Variants in ACBD3 observed in about 807,000 individuals in gnomAD.
ACBD3 encodes the protein Golgi resident protein GCP60.
In ACBD3, 30 loss-of-function variants were observed where a neutral mutation model predicts 66.9. The observed-to-expected ratio is 0.45, with a 90% confidence interval of 0.34 to 0.61. The LOEUF (loss-of-function observed/expected upper bound fraction) is 0.61, where lower values mean the gene tolerates loss of function less well. Among genes scored for constraint, ACBD3 ranks in the 20% least tolerant of loss-of-function variants. ACBD3 has a pLI of 0.02. For synonymous variants in ACBD3, 278 were observed against 259.8 expected, an observed-to-expected ratio of 1.07 and a Z score of -0.68; for missense variants, 544 against 664.5, an observed-to-expected ratio of 0.82 and a Z score of 1.99.
At chr1:226,155,424 A>AG (rs1659654675) in intron 5 of ACBD3, among the ~76,000 whole-genome samples, 1 of 152,022 alleles carries the variant, frequency 6.6e-6, no homozygotes, top group African/African-American at 2.4e-5. Flanking sequence ...TCTCAAAAAA[A>AG]AAAAAAAAAA....
chr1:226,172,264 G>GC (rs1310745897), intron 1 of ACBD3, among the ~76,000 whole-genome samples: 1 of 151,546 alleles, frequency 6.6e-6, no homozygotes. Context: ...TTGTTCACAG[G>GC]CCCTCATCAA....
At chr1:226,179,025 T>G (rs948055144) in intron 1 of ACBD3, among the ~76,000 whole-genome samples, 27 of 152,240 alleles carry the variant, frequency 1.8e-4, no homozygotes, top group Non-Finnish European at 2.1e-4. Flanking sequence ...GTATTGTGTT[T>G]GCCCTGAGTT....
intron 1 of ACBD3, among the ~76,000 whole-genome samples, chr1:226,185,620 T>C (rs1483923104): frequency 7.1e-6 from 1 of 141,610 alleles, no homozygotes; most frequent in Non-Finnish European, 1.5e-5. Context: ...ATCACCCAAT[T>C]AAAAAAAAAA....
Position 226,154,762 on chromosome 1 carries a change from T to C in ACBD3, c.975A>G (p.Ala325=). Residue 325 remains alanine, a synonymous_variant, in exon 6 of 8, where the codon GCA becomes GCG. Transcript: ENST00000366812. ...CTGACATCATATTACTTGGTACAGT[T>C]GCATTCACTTTTGATGATGTAGGCA... ...SSLPTSSKVN[A]TVPSNMMSVN... is the part of the protein sequence containing the mutation. 7.4e-6 allele frequency: 12 copies of C among 1,613,780 alleles called. No homozygotes were observed. The highest frequency in any genetic ancestry group is 1.0e-5 in the Non-Finnish European group (12 of 1,179,820).
At chr1:226,146,936 G>A (rs1659466105) in intron 7 of ACBD3, 115 bp from the exon 8 acceptor site, 3 of 1,027,266 alleles carry the variant, frequency 2.9e-6, no homozygotes, top group Non-Finnish European at 2.9e-6. Flanking sequence ...CTGTCACCCA[G>A]GATGGAGTGC....
chr1:226,169,404 T>C (rs771539529), intron 1 of ACBD3, among the ~76,000 whole-genome samples: 19 of 151,926 alleles, frequency 1.3e-4, no homozygotes, highest in Non-Finnish European at 2.4e-4. Context: ...CCCGCCACCA[T>C]GCTCGGCTAA....
chr1:226,158,453 T>G (rs985392816), intron 5 of ACBD3, among the ~76,000 whole-genome samples: 1 of 152,254 alleles, frequency 6.6e-6, no homozygotes, highest in Admixed American at 6.5e-5. Context: ...TTTTCTCATT[T>G]GACTCCTCTG....
At position 226,159,187 on chromosome 1, in the gene ACBD3, T is replaced by C. The variant is rs1461075076; in HGVS notation, c.900A>G (p.Gln300=). Residue 300 remains glutamine (Q), a synonymous_variant, in exon 5 of 8, where the codon CAA becomes CAG. Transcript: ENST00000366812. ...QQLYQVQLAQ[Q]QAALQKQQEV... is the part of the protein sequence containing the mutation. ...ATTCTAGGGTTGTCTATCGTACCTG[T>C]TGCTGTGCAAGCTGGACTTGATACA... 3 of 1,614,020 alleles carry C rather than the reference T, an allele frequency of 1.9e-6. No homozygotes were observed. Among genetic ancestry groups the C allele is most frequent in the African/African-American group, 1.3e-5 (1 of 74,934 alleles).
intron 1 of ACBD3, among the ~76,000 whole-genome samples, chr1:226,168,677 G>A (rs1001975139): frequency 3.3e-5 from 5 of 152,168 alleles, no homozygotes; most frequent in African/African-American, 7.2e-5. Context: ...AAGTATTTAC[G>A]ATGATGCTGG....
chr1:226,160,480 A>C (rs1284727999), intron 4 of ACBD3, among the ~76,000 whole-genome samples: 1 of 152,134 alleles, frequency 6.6e-6, no homozygotes, highest in African/African-American at 2.4e-5. Flanking sequence ...AAAGCCTCAC[A>C]AACTCCTACA....
At chr1:226,180,586 G>T (rs1193444411) in intron 1 of ACBD3, among the ~76,000 whole-genome samples, 1 of 152,138 alleles carries the variant, frequency 6.6e-6, no homozygotes, top group East Asian at 1.9e-4. Context: ...CCTGGGCATT[G>T]GCTACACTGT....
intron 6 of ACBD3, among the ~76,000 whole-genome samples, chr1:226,154,031 G>A (rs551821083): frequency 1.1e-4 from 16 of 152,326 alleles, no homozygotes; most frequent in Non-Finnish European, 1.9e-4. Flanking sequence ...CCAGCCATGT[G>A]AGGGAACCAT....
Position 226,186,377 on chromosome 1 carries a change from T to A in ACBD3, c.286+13A>T. The A allele has an allele frequency of 6.6e-7, 1 of 1,510,204 alleles. No homozygotes were observed. Among genetic ancestry groups the A allele is most frequent in the Middle Eastern group, 2.0e-4 (1 of 5,060 alleles). The allele number at this position is 1,510,204 out of a possible 1,614,324, so 93.6% of individuals were successfully genotyped here. ...CGGGCAGAAGCGGCGGGGGTGGGGC[T>A]GGCCCGGCTCACCTTTGAAGAAGCG... On this transcript the variant is annotated intron_variant, in intron 1 of 7. Coordinates refer to ENST00000366812, the MANE Select transcript of ACBD3 (RefSeq NM_022735.4).
intron 2 of ACBD3, 87 bp from the exon 3 acceptor site, chr1:226,165,016 T>C (rs1483818079): frequency 3.7e-6 from 5 of 1,347,830 alleles, no homozygotes; most frequent in Middle Eastern, 1.9e-4. Flanking sequence ...TAATTCTCAA[T>C]TGTAAGTAAA....
intron 7 of ACBD3, among the ~76,000 whole-genome samples, chr1:226,151,656 C>T (rs1036676677): frequency 6.6e-6 from 1 of 152,102 alleles, no homozygotes; most frequent in Non-Finnish European, 1.5e-5. Flanking sequence ...CTAATATCAA[C>T]AATATAAATT....
intron 1 of ACBD3, among the ~76,000 whole-genome samples, chr1:226,169,788 A>G (rs1659955197): frequency 6.6e-6 from 1 of 151,484 alleles, no homozygotes. Flanking sequence ...TTGGGAGGCC[A>G]AGGCAGATGG....
At chr1:226,152,006 C>CAA (rs200442682) in intron 7 of ACBD3, among the ~76,000 whole-genome samples, 1 of 137,104 alleles carries the variant, frequency 7.3e-6, no homozygotes. Context: ...GACTCTGTCT[C>CAA]AAAAAAAAAA....
At chr1:226,175,911 G>A (rs1339398888) in intron 1 of ACBD3, among the ~76,000 whole-genome samples, 1 of 152,184 alleles carries the variant, frequency 6.6e-6, no homozygotes, top group Non-Finnish European at 1.5e-5. Context: ...TATGACACAA[G>A]TGGTGGGCAG....
rs1022200425 is a variant in ACBD3, at chr1:226,152,505, A to G, written c.1205T>C (p.Val402Ala). The G allele has an allele frequency of 2.4e-5, 38 of 1,614,064 alleles. No individual in the cohort carries two copies. The highest frequency in any genetic ancestry group is 3.1e-5 in the Non-Finnish European group (37 of 1,180,044). Reference protein sequence around the residue: ...DSVITVGRGEVVTVRVPTHEE... With the variant: ...DSVITVGRGEAVTVRVPTHEE... ...ATGGGTGGGTACTCGAACAGTGACC[A>G]CTTCTCCTCGGCCCACTGTAATCAC... The change falls in exon 7 of 8, where the codon GTG becomes GCG. Residue 402 changes from valine to alanine, a missense_variant. By Grantham distance (64) the Val-to-Ala change is moderately conservative (BLOSUM62 0). Transcript: ENST00000366812.
Sources: gnomAD v4.1 joint callset for allele counts (sites outside exome capture counted in the v4.1 genomes callset) on GRCh38, gnomAD v4.1.1 for gene constraint, MANE v1.5 for transcripts, NCBI Gene and HGNC (gene_info 2026-07-23, HGNC 2026-07-21) for gene names.